Variants in NEGR1 observed in about 807,000 individuals in gnomAD.
NEGR1 encodes neuronal growth regulator 1.
NEGR1 carries 10 observed loss-of-function variants against 40.9 expected under a neutral mutation model. The observed-to-expected ratio is 0.24, with a 90% CI of 0.15 to 0.42. NEGR1 has a LOEUF of 0.42. Among genes scored for constraint, NEGR1 ranks in the 10% least tolerant of loss-of-function variants. NEGR1 has a pLI of 1.00. For missense variants in NEGR1, 352 were observed against 438.9 expected (o/e 0.80, Z 1.77); for synonymous variants, 185 against 166.8 (o/e 1.11, Z -0.84).
intron 3 of NEGR1, among the ~76,000 whole-genome samples, chr1:71,767,684 G>A (rs1656178837): frequency 6.6e-6 from 1 of 152,182 alleles, no homozygotes; most frequent in Non-Finnish European, 1.5e-5. Context: ...GAAGGTAAAG[G>A]CTGATAGAAA....
chr1:72,064,207 T>C (rs1647222585), intron 1 of NEGR1, among the ~76,000 whole-genome samples: 1 of 151,972 alleles, frequency 6.6e-6, no homozygotes, highest in Non-Finnish European at 1.5e-5. Context: ...AAAAGGAGCC[T>C]TTATCACAAA....
intron 6 of NEGR1, among the ~76,000 whole-genome samples, chr1:71,582,972 G>A (rs1284923377): frequency 6.6e-6 from 1 of 152,080 alleles, no homozygotes; most frequent in African/African-American, 2.4e-5. Flanking sequence ...AAGCAATTTT[G>A]GGCTTCCCTA....
chr1:71,685,323 C>CTTT (rs10667208), intron 4 of NEGR1, among the ~76,000 whole-genome samples: 2,753 of 136,602 alleles, frequency 0.02, 57 homozygotes, highest in Non-Finnish European at 0.033. Flanking sequence ...ATTGACATTA[C>CTTT]TTTTTTTTTT....
Position 71,776,260 on chromosome 1 carries a change from G to C in NEGR1, c.447C>G (p.Thr149=). ...GAGTGACGTTGGTTCCTTCATTGAC[G>C]GTCATATCATTTGAGATGTCATATA... The part of the protein sequence containing the change: ...PKIYDISNDM[T]VNEGTNVTLT... Residue 149 remains threonine (T), a synonymous_variant, in exon 3 of 7, where the codon ACC becomes ACG. Coordinates refer to ENST00000357731, the MANE Select transcript of NEGR1 (RefSeq NM_173808.3). The C allele has an allele frequency of 6.2e-7, 1 of 1,600,598 alleles. No homozygotes were observed. The highest frequency in any genetic ancestry group is 8.5e-7 in the Non-Finnish European group (1 of 1,171,130).
chr1:72,259,170 T>C (rs1029379478), intron 1 of NEGR1, among the ~76,000 whole-genome samples: 1 of 152,144 alleles, frequency 6.6e-6, no homozygotes, highest in Non-Finnish European at 1.5e-5. Context: ...GATATGTCAG[T>C]AGTTACCAAG....
chr1:71,757,868 T>A (rs1257804972), intron 3 of NEGR1, among the ~76,000 whole-genome samples: 1 of 152,108 alleles, frequency 6.6e-6, no homozygotes, highest in Non-Finnish European at 1.5e-5. Flanking sequence ...TTCATCACGA[T>A]CTTTTATTAT....
At chr1:71,504,264 A>G (rs1189809248) in intron 6 of NEGR1, among the ~76,000 whole-genome samples, 1 of 152,054 alleles carries the variant, frequency 6.6e-6, no homozygotes, top group African/African-American at 2.4e-5. Flanking sequence ...AAACTGATGG[A>G]GGAATTACTG....
chr1:71,847,971 C>CA (rs1470215997), intron 2 of NEGR1, among the ~76,000 whole-genome samples: 1 of 152,126 alleles, frequency 6.6e-6, no homozygotes, highest in Admixed American at 6.5e-5. Flanking sequence ...AATGAATACA[C>CA]AAATGATAAG....
At chr1:72,198,892 A>T (rs1343212325) in intron 1 of NEGR1, among the ~76,000 whole-genome samples, 2 of 151,908 alleles carry the variant, frequency 1.3e-5, no homozygotes, top group African/African-American at 4.8e-5. Flanking sequence ...TATATTTAAA[A>T]ATTGATTGTG....
intron 2 of NEGR1, among the ~76,000 whole-genome samples, chr1:71,839,462 C>G (rs1368104099): frequency 6.6e-6 from 1 of 151,802 alleles, no homozygotes; most frequent in African/African-American, 2.4e-5. Context: ...CCACCCACCT[C>G]AGAGTCACAA....
At chr1:72,099,222 G>A (rs934832398) in intron 1 of NEGR1, among the ~76,000 whole-genome samples, 1 of 151,782 alleles carries the variant, frequency 6.6e-6, no homozygotes, top group Non-Finnish European at 1.5e-5. Flanking sequence ...TAAAAATTCC[G>A]TGTTATCACT....
At chr1:72,176,981 A>G (rs1346780360) in intron 1 of NEGR1, among the ~76,000 whole-genome samples, 1 of 152,034 alleles carries the variant, frequency 6.6e-6, no homozygotes, top group Non-Finnish European at 1.5e-5. Context: ...TCAGGGTTGT[A>G]TGGCCATAGA....
At chr1:71,544,786 T>C (rs1388756271) in intron 6 of NEGR1, among the ~76,000 whole-genome samples, 1 of 151,692 alleles carries the variant, frequency 6.6e-6, no homozygotes, top group Admixed American at 6.6e-5. Context: ...ATAATTCCAC[T>C]GAGGTTCATT....
intron 4 of NEGR1, among the ~76,000 whole-genome samples, chr1:71,621,900 T>A (rs145169748): frequency 6.6e-6 from 1 of 151,988 alleles, no homozygotes; most frequent in Non-Finnish European, 1.5e-5. Context: ...AGGCCATAGA[T>A]GATGGATGAA....
intron 1 of NEGR1, among the ~76,000 whole-genome samples, chr1:72,213,198 A>G (rs1297648820): frequency 6.6e-6 from 1 of 152,016 alleles, no homozygotes; most frequent in East Asian, 1.9e-4. Flanking sequence ...TAGGAGCAGA[A>G]GACAAGGTGG....
At chr1:71,461,674 C>T (rs1025107047) in intron 6 of NEGR1, 32 of 152,120 alleles carry the variant, frequency 2.1e-4, no homozygotes, top group African/African-American at 7.5e-4. Flanking sequence ...TATCAAATAT[C>T]CATACGATGG....
At chr1:72,178,695 T>G (rs1378033961) in intron 1 of NEGR1, among the ~76,000 whole-genome samples, 2 of 151,750 alleles carry the variant, frequency 1.3e-5, no homozygotes, top group African/African-American at 2.4e-5. Flanking sequence ...GTCTGTTTTT[T>G]TTTGTTTGTT....
chr1:72,251,869 T>C (rs1448378317), intron 1 of NEGR1, among the ~76,000 whole-genome samples: 3 of 152,120 alleles, frequency 2.0e-5, no homozygotes, highest in Non-Finnish European at 4.4e-5. Context: ...ACAGGGCACA[T>C]TTTGGCCAAA....
intron 1 of NEGR1, among the ~76,000 whole-genome samples, chr1:72,227,933 C>T (rs1654244760): frequency 6.6e-6 from 1 of 152,036 alleles, no homozygotes; most frequent in Non-Finnish European, 1.5e-5. Flanking sequence ...TTTCCCTGGG[C>T]AAGTTACTTA....
Sources: gnomAD v4.1 joint callset for allele counts (sites outside exome capture counted in the v4.1 genomes callset) on GRCh38, gnomAD v4.1.1 for gene constraint, MANE v1.5 for transcripts, NCBI Gene and HGNC (gene_info 2026-07-23, HGNC 2026-07-21) for gene names.